Variants in DDX3X observed in about 807,000 individuals in gnomAD.
DDX3X encodes the protein DEAD-box helicase 3 X-linked.
Under a neutral mutation model 52.7 loss-of-function variants are expected in DDX3X, and 4 were observed. The observed-to-expected ratio is 0.08, with a 90% CI of 0.04 to 0.17. The LOEUF is 0.17. DDX3X is among the 10% of genes least tolerant of loss of function. The pLI is 1.00. For synonymous variants in DDX3X, 192 were observed against 178.1 expected, an observed-to-expected ratio of 1.08 and a Z score of -0.62; for missense variants, 222 against 548.6, an observed-to-expected ratio of 0.40 and a Z score of 5.95.
chrX:41,341,664 A>G (rs372026097), intron 4 of DDX3X, 48 bp downstream of exon 4: 1 of 1,124,685 alleles, frequency 8.9e-7, no homozygotes, highest in African/African-American at 1.8e-5. Flanking sequence ...TAACAGTTTA[A>G]TAAGTCGTTA....
chrX:41,341,327 T>C, intron 3 of DDX3X, 157 bp from the exon 4 acceptor site: 2 of 426,361 alleles, frequency 4.7e-6, no homozygotes, highest in Non-Finnish European at 7.8e-6. Flanking sequence ...AGAAAAACTT[T>C]GTCCGGGTGT....
At chrX:41,358,392 CAATT>C (rs2064017448) in intron 5 of DDX3X, among the ~76,000 whole-genome samples, 1 of 111,014 alleles carries the variant, frequency 9.0e-6, no homozygotes, top group Non-Finnish European at 1.9e-5. Flanking sequence ...TTCTAATAGT[CAATT>C]AAGTAAGTTA....
At chrX:41,361,360 A>T (rs919721132) in intron 5 of DDX3X, among the ~76,000 whole-genome samples, 1 of 108,853 alleles carries the variant, frequency 9.2e-6, no homozygotes, top group African/African-American at 3.3e-5. Flanking sequence ...AAAATACAAA[A>T]AATTAGCCGG....
downstream of DDX3X, chrX:41,350,931 A>G (rs1245848178): frequency 8.9e-6 from 1 of 112,021 alleles, no homozygotes; most frequent in African/African-American, 3.2e-5. Flanking sequence ...GGTTTGCAGT[A>G]TGATTAAGAA....
exon 6 of DDX3X, chrX:41,364,317 C>T (rs951835168): frequency 6.7e-6 from 2 of 297,343 alleles, no homozygotes; most frequent in Non-Finnish European, 1.2e-5. Context: ...TGGTCTGTGA[C>T]CACAAAGATG....
chrX:41,338,161 A>G (rs986156555), intron 2 of DDX3X: 5 of 109,964 alleles, frequency 4.5e-5, no homozygotes, highest in Non-Finnish European at 9.5e-5. Flanking sequence ...AAGATAGGGG[A>G]TCTTGGTGGT....
chrX:41,360,872 CTTTG>C (rs768054441), intron 5 of DDX3X, among the ~76,000 whole-genome samples: 6 of 108,728 alleles, frequency 5.5e-5, no homozygotes, highest in Non-Finnish European at 9.5e-5. Context: ...TATCACCCAT[CTTTG>C]TTTGGGGGGG....
chrX:41,361,529 A>G (rs2064029871), intron 5 of DDX3X, among the ~76,000 whole-genome samples: 1 of 110,764 alleles, frequency 9.0e-6, no homozygotes, highest in Non-Finnish European at 1.9e-5. Flanking sequence ...AAAAATAAAA[A>G]AAAGTCACAG....
At chrX:41,346,098 A>T in intron 12 of DDX3X, 131 bp from the exon 13 acceptor site, 1 of 525,329 alleles carries the variant, frequency 1.9e-6, no homozygotes, top group East Asian at 3.7e-5. Context: ...AATTCAAAAC[A>T]TGCTGTGTTG....
chrX:41,351,863 G>C (rs1403011518), downstream of DDX3X, among the ~76,000 whole-genome samples: 1 of 109,870 alleles, frequency 9.1e-6, no homozygotes, highest in East Asian at 2.8e-4. Context: ...TTTTGACAAA[G>C]CACTGTTTAA....
In DDX3X at chrX:41,349,681, T is replaced by A. The variant is rs757222373; in HGVS notation, c.*1962T>A. 1 of 112,067 alleles carries A rather than the reference T, an allele frequency of 8.9e-6. No homozygotes were observed. The highest frequency in any genetic ancestry group is 3.2e-5 in the African/African-American group (1 of 30,776). The allele number at this position is 112,067 out of a possible 1,213,427, so 9.2% of individuals were successfully genotyped here. A position where few individuals can be genotyped will look rare whatever the true frequency, so the allele number is the denominator to read the frequency against. On this transcript the variant is annotated 3_prime_UTR_variant, in exon 17 of 17. Transcript: ENST00000644876. ...CGGGGTAGTGTGAGCTTTTAATGTT[T>A]AAGTCATATTAAACTCTTAAGTCAA...
rs1175361408 is a variant in DDX3X, at chrX:41,337,437, T to G, written c.75T>G (p.Asp25Glu). Reference sequence around the variant, plus strand: ...CTGGCCTAGACCTGAACTCTTCAGATAATCAGAGTGGAGGAAGTACAGCCA... The same window carrying G: ...CTGGCCTAGACCTGAACTCTTCAGAGAATCAGAGTGGAGGAAGTACAGCCA... Reference protein sequence around the residue: ...QFAGLDLNSSDNQSGGSTASK... With the variant: ...QFAGLDLNSSENQSGGSTASK... Residue 25 changes from aspartate (D) to glutamate (E), a missense_variant, in exon 2 of 17, where the codon GAT becomes GAG. By Grantham distance (45) the Asp-to-Glu change is conservative. This residue lies in a region of DDX3X where 93 missense variants were observed against 123.7 expected (regional missense o/e 0.75). Coordinates refer to ENST00000644876, the MANE Select transcript of DDX3X (RefSeq NM_001356.5). The G allele has an allele frequency of 1.7e-6, 2 of 1,209,851 alleles. No individual in the cohort carries two copies. Among genetic ancestry groups the G allele is most frequent in the Non-Finnish European group, 2.2e-6 (2 of 894,208 alleles).
At chrX:41,356,762 C>T (rs1260885438) in intron 5 of DDX3X, among the ~76,000 whole-genome samples, 1 of 109,913 alleles carries the variant, frequency 9.1e-6, no homozygotes, top group Admixed American at 9.8e-5. Flanking sequence ...CGTGCCCGGC[C>T]GGCATCATTC....
At chrX:41,334,143 T>C, upstream of DDX3X, 1 of 800,388 alleles carries the variant, frequency 1.2e-6, no homozygotes, top group Admixed American at 2.8e-5. Flanking sequence ...ATTAGATCCG[T>C]GGCCGCGCGG....
chrX:41,361,679 C>G (rs1569246099), intron 5 of DDX3X, among the ~76,000 whole-genome samples: 2 of 111,108 alleles, frequency 1.8e-5, no homozygotes, highest in South Asian at 7.7e-4. Context: ...CATGCCTGGC[C>G]CTCTTTCTCC....
downstream of DDX3X, among the ~76,000 whole-genome samples, chrX:41,354,214 C>A (rs1163580320): frequency 9.0e-6 from 1 of 110,787 alleles, no homozygotes; most frequent in Non-Finnish European, 1.9e-5. Flanking sequence ...ACACCCTGTT[C>A]CAATTTCACC....
chrX:41,340,433 G>A (rs1409212874), intron 3 of DDX3X: 2 of 128,738 alleles, frequency 1.6e-5, no homozygotes, highest in Non-Finnish European at 3.1e-5. Flanking sequence ...AAGGCAGAAG[G>A]AAAGTAACTG....
intron 1 of DDX3X, among the ~76,000 whole-genome samples, chrX:41,337,189 C>T (rs1352771669): frequency 2.7e-5 from 3 of 112,084 alleles, no homozygotes; most frequent in Non-Finnish European, 1.9e-5. Flanking sequence ...GGTGTGCCGC[C>T]TTCTGTAGTA....
intron 4 of DDX3X, chrX:41,342,282 T>G: frequency 2.5e-6 from 1 of 406,797 alleles, no homozygotes; most frequent in Non-Finnish European, 4.1e-6. Flanking sequence ...GCTATACAAC[T>G]TTATAGAAAT....
Sources: gnomAD v4.1 joint callset for allele counts (sites outside exome capture counted in the v4.1 genomes callset) on GRCh38, gnomAD v4.1.1 for gene constraint, gnomAD v4.1.1 regional missense constraint, MANE v1.5 for transcripts, NCBI Gene and HGNC (gene_info 2026-07-23, HGNC 2026-07-21) for gene names.